The following TENM3 variants were observed in gnomAD, a reference collection of about 807,000 sequenced individuals.
The protein encoded by TENM3 is teneurin transmembrane protein 3, also known as teneurin-3.
In TENM3, 63 loss-of-function variants were observed where a neutral mutation model predicts 255.1. That is an observed-to-expected ratio of 0.25 (90% CI 0.20 to 0.30). The LOEUF (loss-of-function observed/expected upper bound fraction) is 0.30. Among genes scored for constraint, TENM3 ranks in the 10% least tolerant of loss-of-function variants. The pLI, the probability that TENM3 is intolerant of heterozygous loss-of-function variation, is 1.00. For missense variants in TENM3, 2,929 were observed against 3,461.1 expected (o/e 0.85, Z 3.86); for synonymous variants, 1,306 against 1,322.3 (o/e 0.99, Z 0.27).
At chr4:182,304,422 C>T (rs969298160) in intron 1 of TENM3, among the ~76,000 whole-genome samples, 3 of 152,008 alleles carry the variant, frequency 2.0e-5, no homozygotes, top group African/African-American at 4.8e-5. Context: ...CCGTGTTAGC[C>T]GGGATGGTCT....
Position 182,459,483 on chromosome 4 carries a change from A to G in TENM3, c.511+112554A>G, listed in dbSNP as rs189669302. Among the ~76,000 whole-genome samples, 250 of 152,352 alleles carry G rather than the reference A, an allele frequency of 1.6e-3. 1 individual carries two copies. The highest frequency in any genetic ancestry group is 3.5e-3 in the Admixed American group (53 of 15,304). On this transcript the variant is annotated intron_variant, in intron 3 of 27. Transcript: ENST00000511685. ...TTCAGAATCTAAGGCTTTATACATT[A>G]GTTATTTTTAATGTGCAATTGTTTG...
the TENM3 span, among the ~76,000 whole-genome samples, chr4:181,968,772 A>G: frequency 6.6e-6 from 1 of 152,230 alleles, no homozygotes; most frequent in Non-Finnish European, 1.5e-5. Flanking sequence ...ATAGTTAACA[A>G]TAGTGTATTG....
the TENM3 span, among the ~76,000 whole-genome samples, chr4:181,914,688 A>G: frequency 1.3e-5 from 2 of 152,188 alleles, no homozygotes; most frequent in African/African-American, 2.4e-5. Flanking sequence ...AAGGGAAAAG[A>G]TGGCTAACGC....
chr4:182,612,747 A>G (rs1749136279), intron 4 of TENM3, among the ~76,000 whole-genome samples: 2 of 15,560 alleles, frequency 1.3e-4, no homozygotes, highest in African/African-American at 3.8e-4. Flanking sequence ...ATACACACAG[A>G]CACACACACA....
chr4:181,665,171 G>A, the TENM3 span, among the ~76,000 whole-genome samples: 3 of 152,098 alleles, frequency 2.0e-5, no homozygotes, highest in Non-Finnish European at 4.4e-5. Flanking sequence ...CATACCCTAC[G>A]CACTGAGGCA....
intron 1 of TENM3, among the ~76,000 whole-genome samples, chr4:182,289,876 G>A (rs1039370626): frequency 2.6e-5 from 4 of 152,032 alleles, no homozygotes; most frequent in Admixed American, 6.6e-5. Context: ...GGTTGCCCGC[G>A]GCTCCACCCT....
At chr4:182,481,970 T>A (rs150910504) in intron 3 of TENM3, among the ~76,000 whole-genome samples, 1 of 152,328 alleles carries the variant, frequency 6.6e-6, no homozygotes, top group East Asian at 1.9e-4. Context: ...ACCAAAGAAG[T>A]AAATTTCTCT....
At chr4:182,733,967 C>T (rs2152719471) in intron 16 of TENM3, among the ~76,000 whole-genome samples, 1 of 152,292 alleles carries the variant, frequency 6.6e-6, no homozygotes, top group Non-Finnish European at 1.5e-5. Flanking sequence ...GGAGTCTTTT[C>T]TCCATTCGTT....
chr4:181,742,780 C>T, the TENM3 span, among the ~76,000 whole-genome samples: 1 of 151,640 alleles, frequency 6.6e-6, no homozygotes, highest in Non-Finnish European at 1.5e-5. Flanking sequence ...CACCCACTAA[C>T]TCGTCATCTA....
At chr4:181,854,779 T>C in the TENM3 span, among the ~76,000 whole-genome samples, 2 of 152,230 alleles carry the variant, frequency 1.3e-5, no homozygotes, top group East Asian at 1.9e-4. Context: ...TCATCATTTA[T>C]GAAGGATCAC....
chr4:182,568,584 G>A (rs148582963), intron 3 of TENM3, among the ~76,000 whole-genome samples: 1 of 152,138 alleles, frequency 6.6e-6, no homozygotes, highest in Non-Finnish European at 1.5e-5. Context: ...AAACTCTTTG[G>A]ATAATTGTTT....
At chr4:181,693,994 T>G in the TENM3 span, among the ~76,000 whole-genome samples, 1 of 152,272 alleles carries the variant, frequency 6.6e-6, no homozygotes, top group African/African-American at 2.4e-5. Flanking sequence ...GCATCTTTAA[T>G]AAATTTCTTA....
At chr4:182,331,728 T>A (rs925175829) in intron 2 of TENM3, among the ~76,000 whole-genome samples, 4 of 152,254 alleles carry the variant, frequency 2.6e-5, no homozygotes, top group African/African-American at 9.6e-5. Context: ...TCAGGAAAGA[T>A]GGAATTTATG....
chr4:182,527,789 A>T (rs180702366), intron 3 of TENM3, among the ~76,000 whole-genome samples: 10 of 152,174 alleles, frequency 6.6e-5, no homozygotes, highest in African/African-American at 2.4e-4. Flanking sequence ...GTACAGCGGC[A>T]CAATCTCGGC....
At chr4:182,455,588 G>A (rs181396551) in intron 3 of TENM3, among the ~76,000 whole-genome samples, 2 of 116,450 alleles carry the variant, frequency 1.7e-5, no homozygotes, top group South Asian at 5.5e-4. Context: ...TTGAGACCGA[G>A]TCTCACTAGG....
intron 3 of TENM3, among the ~76,000 whole-genome samples, chr4:182,570,579 G>A (rs1744255028): frequency 6.6e-6 from 1 of 152,224 alleles, no homozygotes. Flanking sequence ...GCCGGGCGTG[G>A]TGGCTCACGC....
the TENM3 span, among the ~76,000 whole-genome samples, chr4:181,544,431 A>AAAAAAAAAAAAC: frequency 1.4e-5 from 2 of 143,230 alleles, no homozygotes; most frequent in African/African-American, 5.2e-5. Context: ...AAAAAAAAAA[A>AAAAAAAAAAAAC]AAAAACTATA....
At chr4:182,433,181 C>A (rs542169835) in intron 3 of TENM3, among the ~76,000 whole-genome samples, 308 of 152,102 alleles carry the variant, frequency 2.0e-3, no homozygotes, top group Non-Finnish European at 3.7e-3. Flanking sequence ...ATAGATTTCG[C>A]ATGGTGAGTG....
intron 24 of TENM3, among the ~76,000 whole-genome samples, chr4:182,776,530 C>T (rs530175207): frequency 7.4e-4 from 113 of 152,306 alleles, no homozygotes; most frequent in Non-Finnish European, 1.3e-3. Context: ...AGTAAAATTT[C>T]ACTGGAAAGA....
Sources: allele counts gnomAD v4.1 joint callset (sites outside exome capture counted in the v4.1 genomes callset), GRCh38; gene constraint gnomAD v4.1.1; transcripts MANE v1.5; gene names NCBI Gene and HGNC (gene_info 2026-07-23, HGNC 2026-07-21).